Variants in PARPBP observed in about 807,000 individuals in gnomAD.
The protein encoded by PARPBP is PARP1 binding protein.
In PARPBP, 52 loss-of-function variants were observed where a neutral mutation model predicts 50.0. That is an observed-to-expected ratio of 1.04 (90% CI 0.83 to 1.31). The LOEUF (loss-of-function observed/expected upper bound fraction) is 1.31, where lower values mean the gene tolerates loss of function less well. Among genes scored for constraint, PARPBP ranks in the 50% most tolerant of loss-of-function variants. The pLI is 0.00. For synonymous variants in PARPBP, 244 were observed against 232.1 expected (o/e 1.05, Z -0.47); for missense variants, 697 against 672.0 (o/e 1.04, Z -0.41).
intron 2 of PARPBP, among the ~76,000 whole-genome samples, chr12:102,138,536 G>A (rs1304450205): frequency 1.3e-5 from 2 of 149,480 alleles, no homozygotes; most frequent in African/African-American, 2.4e-5. Context: ...AATTTTGGCT[G>A]GTGTTTTAGT....
chr12:102,157,542 T>C (rs1429160824), intron 4 of PARPBP, among the ~76,000 whole-genome samples: 1 of 152,140 alleles, frequency 6.6e-6, no homozygotes, highest in Non-Finnish European at 1.5e-5. Context: ...GGAAGTGATA[T>C]CTGAAATCTT....
At chr12:102,123,577 TA>T (rs1014131763) in intron 1 of PARPBP, among the ~76,000 whole-genome samples, 17 of 151,962 alleles carry the variant, frequency 1.1e-4, no homozygotes, top group Non-Finnish European at 2.2e-4. Context: ...CAGCTTTAAT[TA>T]GGTATATTTG....
intron 3 of PARPBP, among the ~76,000 whole-genome samples, chr12:102,151,285 C>T (rs367557203): frequency 3.4e-4 from 52 of 152,252 alleles, no homozygotes; most frequent in African/African-American, 1.0e-3. Context: ...GGTGGGGGTG[C>T]CGCGGGTGCT....
intron 2 of PARPBP, among the ~76,000 whole-genome samples, chr12:102,137,324 C>G (rs1256594370): frequency 6.6e-6 from 1 of 152,076 alleles, no homozygotes. Flanking sequence ...TACAGTAAAA[C>G]TTTTGAATAC....
chr12:102,178,733 A>G lies in PARPBP; in HGVS notation c.1147A>G (p.Ile383Val). The G allele has an allele frequency of 1.2e-6, 2 of 1,612,438 alleles. No individual in the cohort carries two copies. Among genetic ancestry groups the G allele is most frequent in the African/African-American group, 1.3e-5 (1 of 74,970 alleles). Residue 383 changes from isoleucine (I) to valine (V), a missense_variant, in exon 8 of 11, where the codon ATC becomes GTC. Physicochemically the swap from Ile to Val is conservative, Grantham distance 29 (BLOSUM62 3). Transcript: ENST00000327680. ...AELLYDEENTIHHHGTSILTL... is the reference protein window; with the variant it reads ...AELLYDEENTVHHHGTSILTL... ...GCTTTTATATGATGAGGAAAACACA[A>G]TCCATCATCATGGAACGTCTATTCT...
In PARPBP at chr12:102,124,929, A is replaced by T. The variant is rs144299120; in HGVS notation, c.153+888A>T. On this transcript the variant is annotated intron_variant, in intron 2 of 10. Coordinates refer to ENST00000327680, the MANE Select transcript of PARPBP (RefSeq NM_017915.5). ...GCAAATAAGGCCATTGAGAAAAAAT[A>T]GTTACTATATACTATGATCATCATT... 5.9e-3 allele frequency among the ~76,000 whole-genome samples: 897 copies of T among 152,350 alleles called. 11 individuals carry two copies. The highest frequency in any genetic ancestry group is 0.02 in the African/African-American group (841 of 41,582).
intron 3 of PARPBP, chr12:102,152,058 T>C: frequency 2.4e-6 from 1 of 422,652 alleles, no homozygotes; most frequent in Non-Finnish European, 4.3e-6. Context: ...TTTTTCTTCC[T>C]AAAAACCAAA....
intron 2 of PARPBP, among the ~76,000 whole-genome samples, chr12:102,142,878 C>T (rs113858415): frequency 3.9e-5 from 6 of 152,292 alleles, no homozygotes; most frequent in African/African-American, 1.4e-4. Flanking sequence ...GACACCCGGC[C>T]GTATGAGGTG....
rs1594651548 is a variant in PARPBP, at chr12:102,196,688, C to A, written c.*397C>A. ...AACAAGGTCGGTAGACTCTTCCCAG[C>A]ATACATCTGAGCACTGAAGGAAGAA... On this transcript the variant is annotated 3_prime_UTR_variant, in exon 11 of 11. Transcript: ENST00000327680. 6.2e-7 allele frequency: 1 copy of A among 1,608,862 alleles called. No individual in the cohort carries two copies. Among genetic ancestry groups the A allele is most frequent in the East Asian group, 2.2e-5 (1 of 44,788 alleles).
chr12:102,124,697 G>T (rs1259871831), intron 2 of PARPBP, among the ~76,000 whole-genome samples: 2 of 152,208 alleles, frequency 1.3e-5, no homozygotes. Context: ...GTATGAACTT[G>T]GCAAAGATAC....
rs143799500 is a variant in PARPBP at position 102,140,929 on chromosome 12, C to T, written c.154-7301C>T. 1.3e-3 allele frequency among the ~76,000 whole-genome samples: 191 copies of T among 152,166 alleles called. 2 individuals are homozygous for T. The highest frequency in any genetic ancestry group is 4.0e-3 in the African/African-American group (166 of 41,516). On this transcript the variant is annotated intron_variant, in intron 2 of 10. Transcript: ENST00000327680. ...TTAGTGGTCAATTTTGGAATAAGTG[C>T]GGTGTGGTGCTGAGAAGAATGTATA...
chr12:102,171,814 A>AG (rs1396301542), intron 6 of PARPBP, among the ~76,000 whole-genome samples: 3 of 151,664 alleles, frequency 2.0e-5, no homozygotes, highest in Non-Finnish European at 4.4e-5. Context: ...GCTTGCAGTG[A>AG]GCCGAGATCG....
At chr12:102,140,263 A>G (rs1054544490) in intron 2 of PARPBP, among the ~76,000 whole-genome samples, 3 of 152,118 alleles carry the variant, frequency 2.0e-5, no homozygotes, top group Non-Finnish European at 2.9e-5. Flanking sequence ...TTTCTAGTTC[A>G]TTTGCATAGA....
At chr12:102,121,827 A>G (rs1216740156) in intron 1 of PARPBP, among the ~76,000 whole-genome samples, 1 of 152,122 alleles carries the variant, frequency 6.6e-6, no homozygotes, top group Non-Finnish European at 1.5e-5. Flanking sequence ...GTGAACCACC[A>G]TGCCCAGGCA....
intron 2 of PARPBP, among the ~76,000 whole-genome samples, chr12:102,141,531 A>G (rs957800843): frequency 6.6e-6 from 1 of 152,134 alleles, no homozygotes; most frequent in Non-Finnish European, 1.5e-5. Flanking sequence ...TGTCATTATG[A>G]TGTTAGCGGG....
chr12:102,165,814 A>C lies in PARPBP; in HGVS notation c.752A>C (p.Lys251Thr). The change falls in exon 6 of 11, where the codon AAG (lysine) becomes ACG (threonine). Residue 251 changes from lysine (K) to threonine (T), a missense_variant. Physicochemically the swap from Lys to Thr is moderately conservative, Grantham distance 78. Transcript: ENST00000327680. Reference sequence around the variant, plus strand: ...TCAGATCCTTTAAGGACACATGTAAAGGGATTGTCTAATTTTATTAATTTC... The same window carrying C: ...TCAGATCCTTTAAGGACACATGTAACGGGATTGTCTAATTTTATTAATTTC... ...PPSDPLRTHV[K>T]GLSNFINFID... 1 of 1,589,616 alleles carries C rather than the reference A, an allele frequency of 6.3e-7. No individual in the cohort carries two copies. The highest frequency in any genetic ancestry group is 8.6e-7 in the Non-Finnish European group (1 of 1,158,218).
chr12:102,142,910 G>T (rs535548599), intron 2 of PARPBP, among the ~76,000 whole-genome samples: 7 of 152,346 alleles, frequency 4.6e-5, no homozygotes, highest in African/African-American at 1.7e-4. Flanking sequence ...CTACTGGGAG[G>T]TGCCTCCCAC....
At chr12:102,123,125 A>G (rs913367155) in intron 1 of PARPBP, among the ~76,000 whole-genome samples, 1 of 152,210 alleles carries the variant, frequency 6.6e-6, no homozygotes, top group East Asian at 1.9e-4. Context: ...CTTAATGCCC[A>G]GGGTTTTTAT....
Position 102,192,336 on chromosome 12 carries a change from T to C in PARPBP, c.1264-2976T>C, listed in dbSNP as rs117993267. Among the ~76,000 whole-genome samples the C allele has an allele frequency of 3.0e-4, 46 of 152,240 alleles. No individual in the cohort carries two copies. The East Asian group carries it at 8.3e-3, about 27-fold the overall frequency. ...TCTGATAATTCTGTGAGGTAAATAT[T>C]CCCATTATGTGTGGATAAGTGAGAG... On this transcript the variant is annotated intron_variant, in intron 9 of 10. Transcript: ENST00000327680.
Sources: gnomAD v4.1 joint callset for allele counts (sites outside exome capture counted in the v4.1 genomes callset) on GRCh38, gnomAD v4.1.1 for gene constraint, MANE v1.5 for transcripts, NCBI Gene and HGNC (gene_info 2026-07-23, HGNC 2026-07-21) for gene names.